Variants in CNTN5 observed in about 807,000 individuals in gnomAD.
CNTN5 encodes contactin 5.
A neutral mutation model predicts 129.1 loss-of-function variants in CNTN5; 77 were observed. The observed-to-expected ratio is 0.60, with a 90% CI of 0.50 to 0.72. CNTN5 has a LOEUF of 0.72. Ranked by LOEUF, CNTN5 falls within the 30% of genes least tolerant of loss-of-function variation. The pLI is 0.00. For synonymous variants in CNTN5, 509 were observed against 465.6 expected (o/e 1.09, Z -1.20); for missense variants, 1,478 against 1,328.8 (o/e 1.11, Z -1.75).
At chr11:99,530,503 C>T (rs1051532475) in intron 2 of CNTN5, among the ~76,000 whole-genome samples, 1 of 152,190 alleles carries the variant, frequency 6.6e-6, no homozygotes, top group African/African-American at 2.4e-5. Flanking sequence ...AAACTTTCCA[C>T]AGCCCTGAAC....
chr11:99,200,437 T>A (rs1859112400), intron 1 of CNTN5, among the ~76,000 whole-genome samples: 1 of 152,178 alleles, frequency 6.6e-6, no homozygotes. Flanking sequence ...ATTTTCAGCT[T>A]TAATTGCATC....
chr11:99,063,199 T>C lies in CNTN5; in HGVS notation c.-210+41929T>C, dbSNP rs1864957528. ...TTATCACAGCCAGTAAAAGGAGCTT[T>C]CAAGAACTATTTATTTAATAATGGG... On this transcript the variant is annotated intron_variant, in intron 1 of 24. Coordinates refer to ENST00000524871, the MANE Select transcript of CNTN5 (RefSeq NM_014361.4). 2.6e-5 allele frequency among the ~76,000 whole-genome samples: 4 copies of C among 152,208 alleles called. No individual in the cohort carries two copies. The South Asian group carries it at 8.3e-4, about 32-fold the overall frequency.
At chr11:99,071,379 G>T (rs186347403) in intron 1 of CNTN5, among the ~76,000 whole-genome samples, 35 of 152,012 alleles carry the variant, frequency 2.3e-4, no homozygotes, top group Middle Eastern at 3.4e-3. Context: ...ATTAAATTAT[G>T]CATAAACTAA....
intron 3 of CNTN5, among the ~76,000 whole-genome samples, chr11:99,633,263 G>T (rs541952641): frequency 1.6e-4 from 24 of 152,264 alleles, no homozygotes; most frequent in African/African-American, 5.8e-4. Context: ...TGAGCACAAA[G>T]TGTCCTATTT....
Position 99,956,950 on chromosome 11 carries a change from A to G in CNTN5, c.818A>G (p.Asn273Ser). 8 of 1,613,902 alleles carry G rather than the reference A, an allele frequency of 5.0e-6. No individual in the cohort carries two copies. The highest frequency in any genetic ancestry group is 6.8e-6 in the Non-Finnish European group (8 of 1,179,846). ...DVGSYICLVKNTVTNARVLSP... is the reference protein window; with the variant it reads ...DVGSYICLVKSTVTNARVLSP... ...GGCAGCTATATTTGTCTGGTGAAAA[A>G]CACAGTGACGAATGCTAGAGTCCTT... The change falls in exon 8 of 25, where the codon AAC becomes AGC. Residue 273 changes from asparagine (N) to serine (S), a missense_variant. Coordinates refer to ENST00000524871, the MANE Select transcript of CNTN5 (RefSeq NM_014361.4).
intron 2 of CNTN5, among the ~76,000 whole-genome samples, chr11:99,553,509 TTAAA>T (rs1948562640): frequency 6.6e-6 from 1 of 152,050 alleles, no homozygotes; most frequent in Non-Finnish European, 1.5e-5. Context: ...TTTCAGAATC[TTAAA>T]TATTATTTCA....
chr11:100,258,485 A>G (rs921429384), intron 17 of CNTN5, among the ~76,000 whole-genome samples: 1 of 152,192 alleles, frequency 6.6e-6, no homozygotes, highest in African/African-American at 2.4e-5. Context: ...ACACATAATC[A>G]TCAGATTCAC....
chr11:99,628,939 T>A (rs370257782), intron 3 of CNTN5, among the ~76,000 whole-genome samples: 6 of 152,086 alleles, frequency 3.9e-5, no homozygotes, highest in Non-Finnish European at 8.8e-5. Flanking sequence ...TGGCACTTGC[T>A]TGTGAGAGCA....
At chr11:100,023,351 T>C (rs1048651366) in intron 9 of CNTN5, among the ~76,000 whole-genome samples, 2 of 152,188 alleles carry the variant, frequency 1.3e-5, no homozygotes, top group Admixed American at 1.3e-4. Flanking sequence ...AAAAGAACTT[T>C]ATTGTTTAGA....
intron 2 of CNTN5, among the ~76,000 whole-genome samples, chr11:99,458,636 A>G (rs1056135750): frequency 6.6e-6 from 1 of 152,010 alleles, no homozygotes; most frequent in Non-Finnish European, 1.5e-5. Context: ...GTGCCAATAC[A>G]TAAAGTCCTT....
intron 3 of CNTN5, among the ~76,000 whole-genome samples, chr11:99,578,972 T>G (rs1291272663): frequency 6.6e-6 from 1 of 152,166 alleles, no homozygotes; most frequent in Non-Finnish European, 1.5e-5. Flanking sequence ...GGTCTAACCA[T>G]GTAAGTCTTT....
intron 4 of CNTN5, among the ~76,000 whole-genome samples, chr11:99,831,682 G>C (rs1016709325): frequency 6.6e-6 from 1 of 152,108 alleles, no homozygotes; most frequent in African/African-American, 2.4e-5. Flanking sequence ...CACTAAGCTG[G>C]TCATCATCAG....
chr11:100,198,657 T>A (rs991709173), intron 15 of CNTN5, among the ~76,000 whole-genome samples: 1 of 151,920 alleles, frequency 6.6e-6, no homozygotes, highest in South Asian at 2.1e-4. Context: ...GTATCACTAG[T>A]GTATGTCCTA....
intron 3 of CNTN5, among the ~76,000 whole-genome samples, chr11:99,687,271 G>A (rs572045593): frequency 3.6e-4 from 54 of 152,100 alleles, no homozygotes; most frequent in Non-Finnish European, 7.1e-4. Context: ...CCACAGAGAC[G>A]CTTAATATTA....
At chr11:99,926,498 G>T (rs187781427) in intron 7 of CNTN5, among the ~76,000 whole-genome samples, 36 of 152,028 alleles carry the variant, frequency 2.4e-4, no homozygotes, top group South Asian at 1.0e-3. Flanking sequence ...TATTTTTGAT[G>T]GTAGTTTTAT....
intron 3 of CNTN5, among the ~76,000 whole-genome samples, chr11:99,622,528 GT>G: frequency 6.6e-6 from 1 of 152,238 alleles, no homozygotes; most frequent in East Asian, 1.9e-4. Flanking sequence ...TTTTAAAGTG[GT>G]GTGGTTTTTC....
intron 9 of CNTN5, among the ~76,000 whole-genome samples, chr11:100,050,613 C>T (rs1332059595): frequency 2.0e-5 from 3 of 150,510 alleles, no homozygotes; most frequent in African/African-American, 4.9e-5. Context: ...TACCCTAAAA[C>T]TTAAAGTATA....
intron 1 of CNTN5, among the ~76,000 whole-genome samples, chr11:99,196,134 T>G (rs966162326): frequency 4.0e-5 from 6 of 151,838 alleles, no homozygotes; most frequent in Admixed American, 3.3e-4. Flanking sequence ...TTTGCTTATT[T>G]ATAAACAGTG....
At chr11:99,866,387 C>A (rs892357514) in intron 6 of CNTN5, among the ~76,000 whole-genome samples, 1 of 152,168 alleles carries the variant, frequency 6.6e-6, no homozygotes, top group African/African-American at 2.4e-5. Flanking sequence ...TTACCTTGTG[C>A]TTGGAACATT....
Sources: allele counts gnomAD v4.1 joint callset (sites outside exome capture counted in the v4.1 genomes callset), GRCh38; gene constraint gnomAD v4.1.1; transcripts MANE v1.5; gene names NCBI Gene and HGNC (gene_info 2026-07-23, HGNC 2026-07-21).